Variants in DNAH3 observed in about 807,000 individuals in gnomAD.
DNAH3 encodes the protein dynein axonemal heavy chain 3.
In DNAH3, 332 loss-of-function variants were observed where a neutral mutation model predicts 432.5. The ratio of observed to expected loss-of-function variants is 0.77; its 90% confidence interval spans 0.70 to 0.84. The LOEUF is 0.84. DNAH3 is among the 40% of genes least tolerant of loss of function. The probability of loss-of-function intolerance (pLI) is 0.00; values close to 1 mark genes in which losing one functional copy is unlikely to be tolerated. For synonymous variants in DNAH3, 1,956 were observed against 1,900.2 expected, an observed-to-expected ratio of 1.03 and a Z score of -0.76; for missense variants, 4,861 against 5,114.0, an observed-to-expected ratio of 0.95 and a Z score of 1.51.
chr16:21,088,084 GTGATGT>G (rs2091432103), intron 18 of DNAH3, among the ~76,000 whole-genome samples: 1 of 152,026 alleles, frequency 6.6e-6, no homozygotes, highest in South Asian at 2.1e-4. Flanking sequence ...CTCTTGCTAT[GTGATGT>G]TGCTAACTTA....
chr16:20,973,869 G>C (rs1184236273), intron 51 of DNAH3, among the ~76,000 whole-genome samples: 1 of 152,216 alleles, frequency 6.6e-6, no homozygotes, highest in Non-Finnish European at 1.5e-5. Context: ...TCAAAAGGAA[G>C]GGCATTCTGT....
At chr16:21,120,249 G>T (rs866948129) in intron 11 of DNAH3, among the ~76,000 whole-genome samples, 1 of 151,490 alleles carries the variant, frequency 6.6e-6, no homozygotes, top group Non-Finnish European at 1.5e-5. Flanking sequence ...GACTACAGAC[G>T]TGTGCCACCA....
At chr16:20,941,684 T>C (rs1018978524) in intron 58 of DNAH3, 141 bp from the exon 59 acceptor site, 3 of 1,065,420 alleles carry the variant, frequency 2.8e-6, no homozygotes, top group Non-Finnish European at 4.0e-6. Flanking sequence ...AGAAGCCATT[T>C]CTGCCTCCAG....
chr16:21,151,362 C>T (rs1236377167), intron 1 of DNAH3, among the ~76,000 whole-genome samples: 1 of 150,876 alleles, frequency 6.6e-6, no homozygotes, highest in East Asian at 1.9e-4. Context: ...GCTCTGTTGC[C>T]CAGGCTGCAG....
intron 59 of DNAH3, 25 bp downstream of exon 59, chr16:20,941,376 A>T (rs764620866): frequency 6.2e-7 from 1 of 1,613,218 alleles, no homozygotes; most frequent in South Asian, 1.1e-5. Context: ...AACTCCCAGG[A>T]TTCAAGCTAC....
At chr16:20,950,408 A>G (rs1461278235) in intron 56 of DNAH3, among the ~76,000 whole-genome samples, 7 of 152,174 alleles carry the variant, frequency 4.6e-5, no homozygotes, top group South Asian at 4.1e-4. Flanking sequence ...CTCCACTACT[A>G]TAACTGCCAG....
intron 18 of DNAH3, among the ~76,000 whole-genome samples, chr16:21,088,386 G>A (rs983775366): frequency 6.6e-6 from 1 of 151,800 alleles, no homozygotes; most frequent in Admixed American, 6.6e-5. Flanking sequence ...CTCTATAGTT[G>A]TAAGAGTGAA....
Position 20,952,297 on chromosome 16 carries a change from C to G in DNAH3, c.11188+136G>C. The G allele has an allele frequency of 4.9e-6, 3 of 606,508 alleles. No individual in the cohort carries two copies. The South Asian group carries it at 5.8e-5, about 12-fold the overall frequency. 37.6% of individuals were successfully genotyped at this position (606,508 alleles called of 1,614,324 possible). A position where few individuals can be genotyped will look rare whatever the true frequency, so the allele number is the denominator to read the frequency against. ...TTCCTTACAATATCTAGCATGATGA[C>G]CAGCATTAGTAAGAGCTCGATGTTT... On this transcript the variant is annotated intron_variant, in intron 56 of 61. Transcript: ENST00000261383.
chr16:21,048,012 T>C (rs1597236734), intron 31 of DNAH3, among the ~76,000 whole-genome samples: 1 of 152,176 alleles, frequency 6.6e-6, no homozygotes, highest in Non-Finnish European at 1.5e-5. Context: ...AGGGACCCAC[T>C]TGAGGAAGCA....
At chr16:21,022,389 C>A (rs2088286025) in intron 39 of DNAH3, among the ~76,000 whole-genome samples, 1 of 152,186 alleles carries the variant, frequency 6.6e-6, no homozygotes, top group South Asian at 2.1e-4. Flanking sequence ...CTACAGGATG[C>A]ATAAAATGTG....
chr16:20,933,595 G>T, intron 61 of DNAH3, 88 bp from the exon 62 acceptor site: 1 of 1,057,528 alleles, frequency 9.5e-7, no homozygotes, highest in Non-Finnish European at 1.4e-6. Context: ...GATACTCAAA[G>T]TGCAACCTGG....
intron 53 of DNAH3, among the ~76,000 whole-genome samples, chr16:20,962,231 A>T (rs978818204): frequency 6.6e-6 from 1 of 152,170 alleles, no homozygotes; most frequent in Non-Finnish European, 1.5e-5. Context: ...GAAATAGTGG[A>T]TCTTGGTGAT....
At chr16:21,054,145 T>C (rs542800011) in intron 28 of DNAH3, among the ~76,000 whole-genome samples, 1 of 152,176 alleles carries the variant, frequency 6.6e-6, no homozygotes, top group African/African-American at 2.4e-5. Context: ...AAGGAAATGA[T>C]TCCACGTTGG....
At chr16:21,027,438 A>G (rs1029220804) in intron 37 of DNAH3, among the ~76,000 whole-genome samples, 1 of 152,114 alleles carries the variant, frequency 6.6e-6, no homozygotes, top group East Asian at 1.9e-4. Flanking sequence ...ACACATACAT[A>G]TATCTACACA....
In DNAH3 at chr16:21,097,505, G is replaced by C. The variant is rs745876737; in HGVS notation, c.2521-6C>G. 3.1e-6 allele frequency: 5 copies of C among 1,612,538 alleles called. No homozygotes were observed. In the African/African-American group the frequency reaches 6.7e-5, roughly 22 times the overall value. On this transcript the variant is annotated splice_polypyrimidine_tract_variant and splice_region_variant and intron_variant, in intron 17 of 61. Transcript: ENST00000261383. ...TCTTCCTCCTTATTGATCAACTGCA[G>C]GGCAAAAGGAGATGCTGTTTATGGG...
chr16:21,141,533 A>G (rs1183022956), intron 3 of DNAH3, among the ~76,000 whole-genome samples, 161 bp from the exon 5 acceptor site: 1 of 152,198 alleles, frequency 6.6e-6, no homozygotes, highest in Non-Finnish European at 1.5e-5. Context: ...TCTCATGTGC[A>G]TCACTGATTA....
chr16:20,991,889 C>T (rs2086575114), intron 44 of DNAH3, among the ~76,000 whole-genome samples: 1 of 152,186 alleles, frequency 6.6e-6, no homozygotes, highest in African/African-American at 2.4e-5. Flanking sequence ...TGCTCAATGG[C>T]TACATCCATT....
At chr16:21,078,539 G>A (rs1245552918) in intron 20 of DNAH3, among the ~76,000 whole-genome samples, 1 of 152,168 alleles carries the variant, frequency 6.6e-6, no homozygotes, top group African/African-American at 2.4e-5. Flanking sequence ...ATTAGTATGA[G>A]ACAAAGAGTC....
intron 52 of DNAH3, among the ~76,000 whole-genome samples, chr16:20,969,316 G>A (rs939762403): frequency 5.3e-5 from 8 of 152,246 alleles, no homozygotes; most frequent in African/African-American, 1.9e-4. Context: ...GTGCATGCAT[G>A]CATGCGTGTA....
Sources: allele counts gnomAD v4.1 joint callset (sites outside exome capture counted in the v4.1 genomes callset), GRCh38; gene constraint gnomAD v4.1.1; transcripts MANE v1.5; gene names NCBI Gene and HGNC (gene_info 2026-07-23, HGNC 2026-07-21).